The following RNFT2 variants were observed in gnomAD, a reference collection of about 807,000 sequenced individuals.
RNFT2 encodes the protein ring finger protein, transmembrane 2.
RNFT2 carries 36 observed loss-of-function variants against 53.0 expected under a neutral mutation model. That is an observed-to-expected ratio of 0.68 (90% CI 0.52 to 0.90). RNFT2 has a LOEUF of 0.90. Among genes scored for constraint, RNFT2 ranks in the 40% least tolerant of loss-of-function variants. The pLI is 0.00. For synonymous variants in RNFT2, 260 were observed against 253.2 expected (o/e 1.03, Z -0.26); for missense variants, 514 against 585.6 (o/e 0.88, Z 1.26).
rs1176124691 is a variant in RNFT2 at position 116,767,003 on chromosome 12, C to T, written c.728+89C>T. 3.6e-6 allele frequency: 3 copies of T among 841,966 alleles called. No homozygotes were observed. In the African/African-American group the frequency reaches 5.0e-5, roughly 14 times the overall value. 52.2% of individuals were successfully genotyped at this position (841,966 alleles called of 1,614,324 possible). A position where few individuals can be genotyped will look rare whatever the true frequency, so the allele number is the denominator to read the frequency against. On this transcript the variant is annotated intron_variant, in intron 6 of 10. Coordinates refer to ENST00000257575, the MANE Select transcript of RNFT2 (RefSeq NM_001382266.1). ...TACCCTTTCACTTGAGAATGAGGCA[C>T]AAGCTCTATGTCATGTTGTAACTTC...
chr12:116,852,052 A>T lies in RNFT2; in HGVS notation c.*2604A>T. 8.6e-7 allele frequency: 1 copy of T among 1,167,664 alleles called. No homozygotes were observed. Among genetic ancestry groups the T allele is most frequent in the Non-Finnish European group, 1.2e-6 (1 of 857,256 alleles). 72.3% of individuals were successfully genotyped at this position (1,167,664 alleles called of 1,614,324 possible). On this transcript the variant is annotated 3_prime_UTR_variant, in exon 11 of 11. Transcript: ENST00000257575. ...CTTCTGTGATCTCTATGACAGAGCCACTTCTCCACCTCTGAAATGTTCCCT... is the reference window on the plus strand; with the variant it reads ...CTTCTGTGATCTCTATGACAGAGCCTCTTCTCCACCTCTGAAATGTTCCCT...
Position 116,852,404 on chromosome 12 carries a change from C to G in RNFT2, c.*2956C>G, listed in dbSNP as rs772271751. 40 of 1,344,250 alleles carry G rather than the reference C, an allele frequency of 3.0e-5. No individual in the cohort carries two copies. In the African/African-American group the frequency reaches 3.8e-4, roughly 13 times the overall value. The allele number at this position is 1,344,250 out of a possible 1,614,324, so 83.3% of individuals were successfully genotyped here. On this transcript the variant is annotated 3_prime_UTR_variant, in exon 11 of 11. Transcript: ENST00000257575. Reference sequence around the variant, plus strand: ...TCCCCTTGGCTTGGCATCCCTGGCTCTCTCCTGGTACCCAGCAAGACGTCT... The same window carrying G: ...TCCCCTTGGCTTGGCATCCCTGGCTGTCTCCTGGTACCCAGCAAGACGTCT...
chr12:116,828,604 T>C (rs550928814), intron 7 of RNFT2, among the ~76,000 whole-genome samples: 24 of 152,146 alleles, frequency 1.6e-4, no homozygotes, highest in African/African-American at 5.5e-4. Flanking sequence ...AACCTGGCAT[T>C]GTGTCTGGTG....
At chr12:116,842,755 G>T (rs1877416620) in intron 10 of RNFT2, among the ~76,000 whole-genome samples, 1 of 152,098 alleles carries the variant, frequency 6.6e-6, no homozygotes, top group Admixed American at 6.6e-5. Context: ...TGCATTTTTA[G>T]TAGGGACGGG....
At chr12:116,739,317 C>T (rs1871482108) in intron 1 of RNFT2, among the ~76,000 whole-genome samples, 1 of 152,118 alleles carries the variant, frequency 6.6e-6, no homozygotes, top group Non-Finnish European at 1.5e-5. Context: ...AACTGGGAGA[C>T]CCATAGATGT....
intron 7 of RNFT2, among the ~76,000 whole-genome samples, chr12:116,813,651 A>G (rs1875496541): frequency 6.6e-6 from 1 of 152,232 alleles, no homozygotes; most frequent in Admixed American, 6.5e-5. Context: ...TCTCTTGTAT[A>G]TTTCATTTTA....
At chr12:116,789,635 GTGGATGGATGGATGGA>G (rs148322297) in intron 7 of RNFT2, among the ~76,000 whole-genome samples, 2 of 131,984 alleles carry the variant, frequency 1.5e-5, no homozygotes, top group African/African-American at 6.7e-5. Context: ...TGGGAGGAGA[GTGGATGGATGGATGGA>G]TGGATGGATG....
intron 7 of RNFT2, among the ~76,000 whole-genome samples, chr12:116,806,008 C>T (rs1034178661): frequency 1.3e-5 from 2 of 152,218 alleles, no homozygotes; most frequent in East Asian, 3.8e-4. Flanking sequence ...TGAATCGAGA[C>T]ATTAAACTAA....
intron 7 of RNFT2, among the ~76,000 whole-genome samples, chr12:116,785,617 A>G (rs1447251666): frequency 6.6e-6 from 1 of 152,146 alleles, no homozygotes; most frequent in Non-Finnish European, 1.5e-5. Context: ...TGTTTGGCCC[A>G]CCAGTGTATC....
chr12:116,827,000 C>A (rs896755377), intron 7 of RNFT2, among the ~76,000 whole-genome samples: 1 of 152,134 alleles, frequency 6.6e-6, no homozygotes, highest in South Asian at 2.1e-4. Context: ...GCGGGTGGAT[C>A]ACCTGACTCA....
At chr12:116,799,711 C>T (rs1375286841) in intron 7 of RNFT2, among the ~76,000 whole-genome samples, 2 of 151,972 alleles carry the variant, frequency 1.3e-5, no homozygotes, top group Non-Finnish European at 2.9e-5. Context: ...CGGGGTTTCA[C>T]CATGGGAGGC....
At position 116,849,723 on chromosome 12, in the gene RNFT2, C is replaced by A; in HGVS notation, c.*275C>A. Reference sequence around the variant, plus strand: ...TCTAGATGCATCTTCCTTCTCCACTCCAAGTCAAGGACCTGGCAATACATG... The same window carrying A: ...TCTAGATGCATCTTCCTTCTCCACTACAAGTCAAGGACCTGGCAATACATG... On this transcript the variant is annotated 3_prime_UTR_variant, in exon 11 of 11. Transcript: ENST00000257575. The A allele has an allele frequency of 1.7e-6, 2 of 1,206,402 alleles. No homozygotes were observed. The highest frequency in any genetic ancestry group is 2.1e-6 in the Non-Finnish European group (2 of 971,584). 74.7% of individuals were successfully genotyped at this position (1,206,402 alleles called of 1,614,324 possible). A position where few individuals can be genotyped will look rare whatever the true frequency, so the allele number is the denominator to read the frequency against.
chr12:116,793,156 C>G (rs1279086139), intron 7 of RNFT2, among the ~76,000 whole-genome samples: 3 of 151,038 alleles, frequency 2.0e-5, no homozygotes, highest in African/African-American at 7.3e-5. Context: ...GCCCCAAAAC[C>G]ATCACACTGG....
At chr12:116,780,403 C>T (rs1873638832) in intron 7 of RNFT2, among the ~76,000 whole-genome samples, 3 of 152,162 alleles carry the variant, frequency 2.0e-5, no homozygotes, top group Non-Finnish European at 2.9e-5. Flanking sequence ...ATGTGCAGTT[C>T]ACAATACGGT....
intron 4 of RNFT2, among the ~76,000 whole-genome samples, chr12:116,752,653 G>A (rs916012345): frequency 6.6e-5 from 10 of 152,076 alleles, no homozygotes; most frequent in South Asian, 2.1e-4. Context: ...TGAAGTGGGC[G>A]GATCACTTGA....
intron 4 of RNFT2, among the ~76,000 whole-genome samples, chr12:116,750,871 A>T (rs557439433): frequency 0.33 from 1,077 of 3,278 alleles, 34 homozygotes; most frequent in Non-Finnish European, 0.45. Flanking sequence ...ATATATATAT[A>T]ATATATATAT....
In RNFT2 at chr12:116,849,478, G is replaced by A. The variant is rs775014608; in HGVS notation, c.*30G>A. 3.2e-6 allele frequency: 5 copies of A among 1,561,968 alleles called. No individual in the cohort carries two copies. The highest frequency in any genetic ancestry group is 2.3e-5 in the South Asian group (2 of 86,762). On this transcript the variant is annotated 3_prime_UTR_variant, in exon 11 of 11. Coordinates refer to ENST00000257575, the MANE Select transcript of RNFT2 (RefSeq NM_001382266.1). ...GAACACTGAGGACACCCAGAAGGACGCCAAGGGTCAGCATGCCCGGACCCA... is the reference window on the plus strand; with the variant it reads ...GAACACTGAGGACACCCAGAAGGACACCAAGGGTCAGCATGCCCGGACCCA...
At chr12:116,820,022 A>G (rs954229553) in intron 7 of RNFT2, among the ~76,000 whole-genome samples, 27 of 152,122 alleles carry the variant, frequency 1.8e-4, no homozygotes, top group Admixed American at 1.2e-3. Flanking sequence ...TTAATGAGAT[A>G]TTTTACCTTT....
At chr12:116,819,733 TTTTCC>T (rs1210938377) in intron 7 of RNFT2, among the ~76,000 whole-genome samples, 1 of 152,206 alleles carries the variant, frequency 6.6e-6, no homozygotes. Context: ...CTCTTGCCTT[TTTTCC>T]TTTTTCTTTT....
Sources: gnomAD v4.1 joint callset for allele counts (sites outside exome capture counted in the v4.1 genomes callset) on GRCh38, gnomAD v4.1.1 for gene constraint, MANE v1.5 for transcripts, NCBI Gene and HGNC (gene_info 2026-07-23, HGNC 2026-07-21) for gene names.